TENM3: variants seen among roughly 807,000 people sequenced by gnomAD.
TENM3 encodes teneurin-3.
A neutral mutation model predicts 255.1 loss-of-function variants in TENM3; 63 were observed. The observed-to-expected ratio is 0.25, with a 90% CI of 0.20 to 0.30. The LOEUF is 0.30. Ranked by LOEUF, TENM3 falls within the 10% of genes least tolerant of loss-of-function variation. The pLI is 1.00. For synonymous variants in TENM3, 1,306 were observed against 1,322.3 expected, an observed-to-expected ratio of 0.99 and a Z score of 0.27; for missense variants, 2,929 against 3,461.1, an observed-to-expected ratio of 0.85 and a Z score of 3.86.
At chr4:182,337,039 T>TTCAA (rs1453018048) in intron 2 of TENM3, among the ~76,000 whole-genome samples, 3 of 152,180 alleles carry the variant, frequency 2.0e-5, no homozygotes, top group African/African-American at 7.2e-5. Context: ...ACAATCAAAT[T>TTCAA]TCAATCATTT....
the TENM3 span, among the ~76,000 whole-genome samples, chr4:182,069,910 A>G: frequency 1.3e-5 from 2 of 152,232 alleles, no homozygotes; most frequent in South Asian, 2.1e-4. Context: ...AAGGCATTAT[A>G]ATACTACAGC....
Position 182,743,366 on chromosome 4 carries a change from C to T in TENM3, c.3576C>T (p.Asn1192=). 4.3e-6 allele frequency: 7 copies of T among 1,613,950 alleles called. No individual in the cohort carries two copies. The highest frequency in any genetic ancestry group is 5.9e-6 in the Non-Finnish European group (7 of 1,179,858). Residue 1192 remains asparagine, a synonymous_variant, in exon 19 of 28, where the codon AAC becomes AAT. Transcript: ENST00000511685. ...IDGSLYVGDF[N]YVRRIFPSGN... ...GCAGTCTGTACGTAGGCGATTTCAA[C>T]TATGTGCGGCGGATATTCCCTTCTG... is the stretch of plus-strand genomic sequence containing the variant.
chr4:181,514,616 C>T, the TENM3 span, among the ~76,000 whole-genome samples: 1 of 151,986 alleles, frequency 6.6e-6, no homozygotes, highest in African/African-American at 2.4e-5. Context: ...AGGCAGTGTG[C>T]GAAGGTGTGT....
chr4:182,350,194 C>T (rs1434652777), intron 3 of TENM3: 2 of 153,452 alleles, frequency 1.3e-5, no homozygotes, highest in African/African-American at 2.4e-5. Flanking sequence ...GCTAGAACTG[C>T]TGTGAGGCTA....
chr4:182,128,429 C>T, the TENM3 span, among the ~76,000 whole-genome samples: 1 of 152,148 alleles, frequency 6.6e-6, no homozygotes, highest in African/African-American at 2.4e-5. Flanking sequence ...CCTCCCACTA[C>T]AGCTTCCCAA....
rs1400218783 is a variant in TENM3, at chr4:182,729,001, T to C, written c.2405T>C (p.Leu802Pro). The C allele has an allele frequency of 6.2e-7, 1 of 1,613,998 alleles. No homozygotes were observed. Among genetic ancestry groups the C allele is most frequent in the Non-Finnish European group, 8.5e-7 (1 of 1,179,888 alleles). Residue 802 changes from leucine to proline, a missense_variant, in exon 14 of 28, where the codon CTA (leucine) becomes CCA (proline). This residue lies in a region of TENM3 where 1,608 missense variants were observed against 1,884.4 expected (regional missense o/e 0.85). Transcript: ENST00000511685. ...GACTGCATGGATCCCGATTGCTGCC[T>C]ACAGAGTTCCTGCCAGAATCAGCCC... ...LIDCMDPDCCLQSSCQNQPYC... is the reference protein window; with the variant it reads ...LIDCMDPDCCPQSSCQNQPYC...
the TENM3 span, among the ~76,000 whole-genome samples, chr4:181,888,494 G>GTACATA: frequency 3.5e-5 from 1 of 28,242 alleles, no homozygotes; most frequent in Non-Finnish European, 6.0e-5. Flanking sequence ...ATAGAAATGT[G>GTACATA]TATATATATA....
At chr4:182,025,051 TGGAG>T in the TENM3 span, among the ~76,000 whole-genome samples, 1 of 136,210 alleles carries the variant, frequency 7.3e-6, no homozygotes, top group African/African-American at 2.8e-5. Context: ...TTTTTTGAGA[TGGAG>T]TCTTGCTTTG....
chr4:181,866,299 T>G, the TENM3 span, among the ~76,000 whole-genome samples: 2 of 152,216 alleles, frequency 1.3e-5, no homozygotes, highest in African/African-American at 4.8e-5. Flanking sequence ...TCCTCCTGGT[T>G]AACTGTGTGG....
chr4:181,739,777 G>A, the TENM3 span, among the ~76,000 whole-genome samples: 6 of 151,994 alleles, frequency 3.9e-5, no homozygotes, highest in South Asian at 2.1e-4. Context: ...TTAAGATGTC[G>A]GTTTTCTTGT....
rs377548381 is a variant in TENM3, at chr4:182,681,970, C to T, written c.1991C>T (p.Ser664Phe). The change falls in exon 11 of 28, where the codon TCC (serine) becomes TTC (phenylalanine). Residue 664 changes from serine to phenylalanine, a missense_variant. Ser to Phe is a radical substitution (Grantham distance 155). Coordinates refer to ENST00000511685, the MANE Select transcript of TENM3 (RefSeq NM_001080477.4). Reference sequence around the variant, plus strand: ...GGAACGTATCTTCAAGAAAGTGGCTCCTGCACGTGTGACCCTAACTGGACT... The same window carrying T: ...GGAACGTATCTTCAAGAAAGTGGCTTCTGCACGTGTGACCCTAACTGGACT... ...GHGTYLQESG[S>F]CTCDPNWTGP... 5 of 1,613,924 alleles carry T rather than the reference C, an allele frequency of 3.1e-6. No homozygotes were observed. The highest frequency in any genetic ancestry group is 1.1e-5 in the South Asian group (1 of 91,080).
intron 3 of TENM3, among the ~76,000 whole-genome samples, chr4:182,403,605 T>C (rs896704184): frequency 2.0e-5 from 3 of 152,216 alleles, no homozygotes; most frequent in Non-Finnish European, 2.9e-5. Context: ...CTTTTATCTG[T>C]TTTTCTAGAA....
At chr4:182,295,693 G>T (rs561909238) in intron 1 of TENM3, among the ~76,000 whole-genome samples, 1 of 152,250 alleles carries the variant, frequency 6.6e-6, no homozygotes, top group African/African-American at 2.4e-5. Context: ...AATATAAGGG[G>T]AAGCAGTAAA....
intron 1 of TENM3, among the ~76,000 whole-genome samples, chr4:182,296,083 C>T (rs1207967301): frequency 6.6e-6 from 1 of 152,150 alleles, no homozygotes; most frequent in East Asian, 1.9e-4. Context: ...CCTGCCTCAG[C>T]CTCCCGAGTA....
At chr4:182,578,326 T>A (rs1052935846) in intron 3 of TENM3, among the ~76,000 whole-genome samples, 3 of 152,210 alleles carry the variant, frequency 2.0e-5, no homozygotes, top group Non-Finnish European at 4.4e-5. Context: ...CTACCCTGCC[T>A]TGTATTCTGT....
At chr4:182,386,191 A>T (rs1267633449) in intron 3 of TENM3, among the ~76,000 whole-genome samples, 2 of 152,256 alleles carry the variant, frequency 1.3e-5, no homozygotes, top group Admixed American at 1.3e-4. Flanking sequence ...TTCAGTAAAC[A>T]TAGCCCAGTC....
the TENM3 span, among the ~76,000 whole-genome samples, chr4:181,955,662 G>A: frequency 1.1e-4 from 17 of 152,184 alleles, no homozygotes; most frequent in Non-Finnish European, 1.9e-4. Flanking sequence ...TGACAAAGGG[G>A]CGCAGGTCCT....
At chr4:182,458,141 A>G (rs1359166120) in intron 3 of TENM3, among the ~76,000 whole-genome samples, 1 of 152,182 alleles carries the variant, frequency 6.6e-6, no homozygotes, top group Non-Finnish European at 1.5e-5. Context: ...GATTTTTTAA[A>G]TGAGGTGTGA....
intron 5 of TENM3, among the ~76,000 whole-genome samples, chr4:182,647,514 G>A (rs917506646): frequency 2.0e-5 from 3 of 152,164 alleles, no homozygotes; most frequent in African/African-American, 7.2e-5. Context: ...TTAACGTGAA[G>A]TCCTCAAGGT....
Sources: allele counts gnomAD v4.1 joint callset (sites outside exome capture counted in the v4.1 genomes callset), GRCh38; gene constraint gnomAD v4.1.1; regional missense constraint gnomAD v4.1.1; transcripts MANE v1.5; gene names NCBI Gene and HGNC (gene_info 2026-07-23, HGNC 2026-07-21).